HMBOX1: variants seen among roughly 807,000 people sequenced by gnomAD.
The protein encoded by HMBOX1 is homeobox containing 1.
In HMBOX1, 14 loss-of-function variants were observed where a neutral mutation model predicts 54.5. The ratio of observed to expected loss-of-function variants is 0.26; its 90% CI spans 0.17 to 0.40. HMBOX1 has a LOEUF of 0.40. Among genes scored for constraint, HMBOX1 ranks in the 10% least tolerant of loss-of-function variants. The pLI is 1.00. For missense variants in HMBOX1, 332 were observed against 514.4 expected (o/e 0.65, Z 3.43); for synonymous variants, 160 against 181.0 (o/e 0.88, Z 0.93).
chr8:29,011,646 C>T (rs1834235388), intron 5 of HMBOX1, among the ~76,000 whole-genome samples: 1 of 152,116 alleles, frequency 6.6e-6, no homozygotes, highest in South Asian at 2.1e-4. Context: ...GATCTGATAG[C>T]CAGTTGTGGA....
intron 6 of HMBOX1, among the ~76,000 whole-genome samples, chr8:29,037,903 C>T (rs1804169358): frequency 6.6e-6 from 1 of 152,118 alleles, no homozygotes; most frequent in Admixed American, 6.6e-5. Context: ...AGTAAGTTTA[C>T]TTGGTGATGA....
chr8:28,910,449 A>G (rs1815198438), intron 1 of HMBOX1, among the ~76,000 whole-genome samples: 1 of 152,158 alleles, frequency 6.6e-6, no homozygotes, highest in Admixed American at 6.5e-5. Context: ...GTTGGCTTGC[A>G]TGGTATCTAT....
intron 7 of HMBOX1, 47 bp downstream of exon 7, chr8:29,045,490 G>T (rs1194684554): frequency 6.8e-7 from 1 of 1,478,498 alleles, no homozygotes; most frequent in Non-Finnish European, 9.4e-7. Flanking sequence ...CACAGCGCTT[G>T]GTTACAGGTT....
intron 1 of HMBOX1, among the ~76,000 whole-genome samples, chr8:28,902,446 T>C (rs1034427498): frequency 1.2e-4 from 19 of 152,166 alleles, no homozygotes; most frequent in Admixed American, 1.1e-3. Context: ...TTTGATAGGA[T>C]CAGAAAGAGG....
chr8:29,041,851 C>T (rs779608090), intron 6 of HMBOX1, among the ~76,000 whole-genome samples: 2 of 152,020 alleles, frequency 1.3e-5, no homozygotes, highest in African/African-American at 4.8e-5. Flanking sequence ...TATAATAAAC[C>T]TTTGAGAATT....
intron 1 of HMBOX1, among the ~76,000 whole-genome samples, chr8:28,912,112 C>T (rs958018736): frequency 6.6e-6 from 1 of 152,130 alleles, no homozygotes; most frequent in African/African-American, 2.4e-5. Context: ...TGAAACTGTT[C>T]TAAGCACATT....
At chr8:28,909,414 A>G (rs1042209171) in intron 1 of HMBOX1, among the ~76,000 whole-genome samples, 3 of 152,236 alleles carry the variant, frequency 2.0e-5, no homozygotes, top group African/African-American at 7.2e-5. Context: ...TTCAGGAGAT[A>G]TATTAATTGG....
intron 1 of HMBOX1, among the ~76,000 whole-genome samples, chr8:28,911,726 G>T (rs1375798523): frequency 1.3e-5 from 2 of 152,044 alleles, no homozygotes; most frequent in Non-Finnish European, 2.9e-5. Context: ...ATTTAAGAGG[G>T]TTCGTTCTGG....
intron 1 of HMBOX1, among the ~76,000 whole-genome samples, chr8:28,943,472 T>C (rs1388186363): frequency 2.0e-5 from 3 of 152,194 alleles, no homozygotes; most frequent in Admixed American, 1.3e-4. Context: ...GCTCTCAGGC[T>C]CTGGTGATAA....
chr8:29,030,808 C>G (rs1043116465), intron 6 of HMBOX1, among the ~76,000 whole-genome samples: 5 of 152,170 alleles, frequency 3.3e-5, no homozygotes, highest in Non-Finnish European at 5.9e-5. Flanking sequence ...TTCTTCAGGA[C>G]TGTGTTTTAA....
At chr8:29,041,782 T>C (rs899030138) in intron 6 of HMBOX1, among the ~76,000 whole-genome samples, 32 of 151,984 alleles carry the variant, frequency 2.1e-4, no homozygotes, top group Non-Finnish European at 1.9e-4. Flanking sequence ...GTAGCATGCA[T>C]ATATGGGAGT....
At chr8:28,910,108 A>G (rs1032281228) in intron 1 of HMBOX1, among the ~76,000 whole-genome samples, 1 of 152,196 alleles carries the variant, frequency 6.6e-6, no homozygotes, top group Non-Finnish European at 1.5e-5. Context: ...ATACCAACCA[A>G]AATACCTTTT....
intron 1 of HMBOX1, among the ~76,000 whole-genome samples, chr8:28,934,129 A>G (rs1189904413): frequency 6.6e-6 from 1 of 152,238 alleles, no homozygotes; most frequent in East Asian, 1.9e-4. Context: ...TTAATACCTG[A>G]TGACTAAAAG....
At chr8:28,973,907 C>T (rs957116056) in intron 3 of HMBOX1, among the ~76,000 whole-genome samples, 1 of 143,690 alleles carries the variant, frequency 7.0e-6, no homozygotes, top group Non-Finnish European at 1.5e-5. Flanking sequence ...CTTCGCCTCC[C>T]GGGTTAAAGC....
chr8:29,046,803 G>T (rs71521321), intron 7 of HMBOX1, among the ~76,000 whole-genome samples: 1 of 152,108 alleles, frequency 6.6e-6, no homozygotes, highest in Non-Finnish European at 1.5e-5. Flanking sequence ...CAACAATGGC[G>T]AGACCCCATC....
At chr8:28,966,153 A>T (rs1212531139) in intron 2 of HMBOX1, among the ~76,000 whole-genome samples, 1 of 152,182 alleles carries the variant, frequency 6.6e-6, no homozygotes, top group African/African-American at 2.4e-5. Flanking sequence ...TGTTTGTAGA[A>T]TTTAGCTTAT....
At chr8:29,030,433 A>G (rs1339375915) in intron 6 of HMBOX1, among the ~76,000 whole-genome samples, 2 of 152,056 alleles carry the variant, frequency 1.3e-5, no homozygotes, top group Non-Finnish European at 2.9e-5. Context: ...TGGTCAGGCT[A>G]GTCTTGAACT....
intron 2 of HMBOX1, among the ~76,000 whole-genome samples, chr8:28,964,823 C>T (rs534100818): frequency 1.5e-5 from 2 of 136,482 alleles, no homozygotes; most frequent in South Asian, 5.1e-4. Context: ...GTAGCTATAT[C>T]CTTGGGAAGG....
intron 1 of HMBOX1, among the ~76,000 whole-genome samples, chr8:28,919,619 A>G (rs1817194335): frequency 1.3e-5 from 2 of 152,206 alleles, no homozygotes; most frequent in Admixed American, 1.3e-4. Context: ...TGTAAAACTC[A>G]TGGATATGGA....
Sources: allele counts gnomAD v4.1 joint callset (sites outside exome capture counted in the v4.1 genomes callset), GRCh38; gene constraint gnomAD v4.1.1; transcripts MANE v1.5; gene names NCBI Gene and HGNC (gene_info 2026-07-23, HGNC 2026-07-21).